Variants in MGAT4C observed in about 807,000 individuals in gnomAD.
MGAT4C encodes alpha-1,3-mannosyl-glycoprotein 4-beta-N-acetylglucosaminyltransferase C.
A neutral mutation model predicts 40.1 loss-of-function variants in MGAT4C; 19 were observed. That is an observed-to-expected ratio of 0.47 (90% CI 0.33 to 0.70). The LOEUF is 0.70. Among genes scored for constraint, MGAT4C ranks in the 30% least tolerant of loss-of-function variants. The pLI, the probability that MGAT4C is intolerant of heterozygous loss-of-function variation, is 0.02. For synonymous variants in MGAT4C, 181 were observed against 187.1 expected (o/e 0.97, Z 0.27); for missense variants, 491 against 563.2 (o/e 0.87, Z 1.30).
intron 1 of MGAT4C, among the ~76,000 whole-genome samples, chr12:86,110,298 C>CTATATATATATAGTATATATATATATAG (rs1565996123): frequency 6.4e-5 from 1 of 15,708 alleles, no homozygotes; most frequent in Non-Finnish European, 1.0e-4. Context: ...TATATAGTCT[C>CTATATATATATAGTATATATATATATAG]TCTATATATA....
At chr12:86,489,612 T>G (rs1028412634) in intron 2 of MGAT4C, among the ~76,000 whole-genome samples, 7 of 152,208 alleles carry the variant, frequency 4.6e-5, no homozygotes, top group Admixed American at 6.6e-5. Flanking sequence ...GATGCTACTG[T>G]GGGACATGCA....
At chr12:86,759,427 G>C (rs1259034110) in intron 1 of MGAT4C, among the ~76,000 whole-genome samples, 2 of 152,062 alleles carry the variant, frequency 1.3e-5, no homozygotes, top group South Asian at 2.1e-4. Context: ...GGATCACACT[G>C]TAGTTCTACT....
intron 2 of MGAT4C, among the ~76,000 whole-genome samples, chr12:86,589,240 A>G (rs1245122246): frequency 6.6e-6 from 1 of 152,102 alleles, no homozygotes; most frequent in African/African-American, 2.4e-5. Flanking sequence ...AATCCCACAG[A>G]AATACAAACT....
intron 3 of MGAT4C, among the ~76,000 whole-genome samples, chr12:86,387,570 A>C (rs1169176033): frequency 6.6e-6 from 1 of 152,120 alleles, no homozygotes; most frequent in African/African-American, 2.4e-5. Flanking sequence ...TGAGGGAGGA[A>C]GCATAGTAAA....
chr12:86,478,245 T>C (rs1366481001), intron 2 of MGAT4C, among the ~76,000 whole-genome samples: 2 of 152,120 alleles, frequency 1.3e-5, no homozygotes, highest in Non-Finnish European at 2.9e-5. Flanking sequence ...ATTAGAAAAG[T>C]AGTTGTGATG....
At chr12:86,265,799 T>C (rs1952770727) in intron 4 of MGAT4C, among the ~76,000 whole-genome samples, 1 of 152,200 alleles carries the variant, frequency 6.6e-6, no homozygotes, top group Non-Finnish European at 1.5e-5. Context: ...GGGATATTTT[T>C]TATTTGTGTC....
intron 2 of MGAT4C, among the ~76,000 whole-genome samples, chr12:86,568,580 C>T (rs1960232055): frequency 6.9e-6 from 1 of 144,346 alleles, no homozygotes; most frequent in Admixed American, 7.0e-5. Flanking sequence ...TGTTAGTTCT[C>T]TCCCTCTAGA....
chr12:86,012,983 T>G (rs2136827053), intron 2 of MGAT4C, among the ~76,000 whole-genome samples: 1 of 150,304 alleles, frequency 6.7e-6, no homozygotes, highest in South Asian at 2.1e-4. Context: ...AAAAAAAAAT[T>G]AGCCACGGTG....
At chr12:86,452,640 C>T (rs1052255729) in intron 2 of MGAT4C, among the ~76,000 whole-genome samples, 1 of 151,668 alleles carries the variant, frequency 6.6e-6, no homozygotes, top group Admixed American at 6.6e-5. Context: ...GAATATAGGG[C>T]CAAATTATTG....
At chr12:86,425,880 C>T (rs1956915757) in intron 3 of MGAT4C, among the ~76,000 whole-genome samples, 1 of 152,088 alleles carries the variant, frequency 6.6e-6, no homozygotes, top group African/African-American at 2.4e-5. Context: ...TTCTAATTTG[C>T]AAATGACTTA....
chr12:86,233,134 T>TA (rs1433417132), intron 1 of MGAT4C, among the ~76,000 whole-genome samples: 1 of 152,216 alleles, frequency 6.6e-6, no homozygotes, highest in East Asian at 1.9e-4. Context: ...TATGTAGTGT[T>TA]ACGAATTTTG....
intron 3 of MGAT4C, among the ~76,000 whole-genome samples, chr12:86,417,051 T>C (rs1304991468): frequency 1.3e-5 from 2 of 152,126 alleles, no homozygotes; most frequent in African/African-American, 4.8e-5. Context: ...TAATTTATGG[T>C]ATGTTGTTAC....
At chr12:86,285,165 T>G (rs926788139) in intron 4 of MGAT4C, among the ~76,000 whole-genome samples, 7 of 152,032 alleles carry the variant, frequency 4.6e-5, no homozygotes, top group Non-Finnish European at 8.8e-5. Context: ...GGTACTAGCC[T>G]TCCAGTCACA....
At chr12:86,698,986 T>A (rs976766362) in intron 2 of MGAT4C, among the ~76,000 whole-genome samples, 1 of 152,138 alleles carries the variant, frequency 6.6e-6, no homozygotes, top group Non-Finnish European at 1.5e-5. Context: ...CTGTGTTAAG[T>A]GCTTTAGAGC....
chr12:86,053,030 G>C (rs1300630133), intron 1 of MGAT4C, among the ~76,000 whole-genome samples: 1 of 151,912 alleles, frequency 6.6e-6, no homozygotes, highest in African/African-American at 2.4e-5. Flanking sequence ...CTTTATTGGA[G>C]TTGCAGAGTC....
intron 3 of MGAT4C, among the ~76,000 whole-genome samples, chr12:86,348,838 T>G (rs928041183): frequency 6.6e-6 from 1 of 152,108 alleles, no homozygotes; most frequent in Non-Finnish European, 1.5e-5. Context: ...CTTGGAAACT[T>G]TTAAAAATCT....
At chr12:86,292,318 A>C (rs957274021) in intron 4 of MGAT4C, among the ~76,000 whole-genome samples, 3 of 151,926 alleles carry the variant, frequency 2.0e-5, no homozygotes, top group Admixed American at 1.3e-4. Flanking sequence ...TTAGATATAT[A>C]GATATAACTA....
At chr12:86,600,908 C>T (rs1961747000) in intron 2 of MGAT4C, among the ~76,000 whole-genome samples, 1 of 152,240 alleles carries the variant, frequency 6.6e-6, no homozygotes, top group Non-Finnish European at 1.5e-5. Flanking sequence ...CCCCTCCCTG[C>T]TCCCAGTGCC....
intron 1 of MGAT4C, among the ~76,000 whole-genome samples, chr12:86,742,983 ATGTG>A (rs780309077): frequency 1.5e-4 from 23 of 149,524 alleles, no homozygotes; most frequent in South Asian, 2.1e-4. Flanking sequence ...TTATGTATAT[ATGTG>A]TGTGTGTATG....
Sources: gnomAD v4.1 joint callset for allele counts (sites outside exome capture counted in the v4.1 genomes callset) on GRCh38, gnomAD v4.1.1 for gene constraint, MANE v1.5 for transcripts, NCBI Gene and HGNC (gene_info 2026-07-23, HGNC 2026-07-21) for gene names.